The following GABRR1 variants were observed in gnomAD, a reference collection of about 807,000 sequenced individuals.
The protein encoded by GABRR1 is gamma-aminobutyric acid receptor subunit rho-1.
Under a neutral mutation model 55.5 loss-of-function variants are expected in GABRR1, and 59 were observed. That is an observed-to-expected ratio of 1.06 (90% CI 0.86 to 1.32). The LOEUF (loss-of-function observed/expected upper bound fraction) is 1.32, where lower values mean the gene tolerates loss of function less well. GABRR1 is among the 40% of genes most tolerant of loss of function. GABRR1 has a pLI of 0.00. For missense variants in GABRR1, 602 were observed against 619.1 expected (o/e 0.97, Z 0.29); for synonymous variants, 213 against 226.0 (o/e 0.94, Z 0.51).
intron 1 of GABRR1, among the ~76,000 whole-genome samples, chr6:89,214,615 C>G (rs1200877079): frequency 1.3e-5 from 2 of 152,094 alleles, no homozygotes. Context: ...TTTTTCAAAA[C>G]AAGACATACA....
chr6:89,198,962 G>C (rs545678878), intron 4 of GABRR1, among the ~76,000 whole-genome samples: 4 of 151,366 alleles, frequency 2.6e-5, no homozygotes, highest in East Asian at 2.0e-4. Context: ...TATCTGAACC[G>C]ACCAAAAAGG....
At chr6:89,211,637 C>G (rs1487214870) in intron 1 of GABRR1, among the ~76,000 whole-genome samples, 2 of 152,134 alleles carry the variant, frequency 1.3e-5, no homozygotes, top group African/African-American at 4.8e-5. Context: ...TGACACCTTG[C>G]TAGAACACCT....
intron 5 of GABRR1, among the ~76,000 whole-genome samples, chr6:89,197,030 G>T (rs1274228766): frequency 6.6e-6 from 1 of 152,104 alleles, no homozygotes; most frequent in African/African-American, 2.4e-5. Flanking sequence ...AAGCATTAAA[G>T]ATGAAAACCC....
rs1383673077 is a variant in GABRR1 at position 89,223,047 on chromosome 6, A to AT, written c.-410-1602dup. Among the ~76,000 whole-genome samples the AT allele has an allele frequency of 6.9e-3, 1,033 of 149,104 alleles. 14 individuals carry two copies. The highest frequency in any genetic ancestry group is 0.023 in the African/African-American group (920 of 40,848). On this transcript the variant is annotated intron_variant, in intron 1 of 11. Transcript: ENST00000369451. ...GGTAGAAATCAATGTCCTTGTCTAGATTTTTTTTTTTAATTTCCATAGGTT... is the reference window on the plus strand; with the variant it reads ...GGTAGAAATCAATGTCCTTGTCTAGATTTTTTTTTTTTAATTTCCATAGGTT...
chr6:89,220,156 G>A (rs748304138), upstream of GABRR1, among the ~76,000 whole-genome samples: 2 of 152,158 alleles, frequency 1.3e-5, no homozygotes, highest in Non-Finnish European at 2.9e-5. Context: ...GGCTCCTAAT[G>A]CCCAGATTGG....
intron 1 of GABRR1, among the ~76,000 whole-genome samples, chr6:89,230,861 C>A (rs1246814360): frequency 2.0e-5 from 3 of 149,822 alleles, no homozygotes; most frequent in Non-Finnish European, 4.5e-5. Context: ...CCTCCCCCAG[C>A]CTCGCTGCCG....
chr6:89,199,226 A>T (rs571067962), intron 4 of GABRR1, 136 bp downstream of exon 4: 5 of 758,734 alleles, frequency 6.6e-6, no homozygotes, highest in Admixed American at 4.1e-5. Flanking sequence ...TTCCTGAGCC[A>T]TCTGAAAAAG....
intron 1 of GABRR1, among the ~76,000 whole-genome samples, chr6:89,230,736 C>G (rs1485195335): frequency 6.6e-6 from 1 of 151,764 alleles, no homozygotes; most frequent in African/African-American, 2.4e-5. Context: ...GCCCTGCCCC[C>G]AGAGGTGGAG....
intron 1 of GABRR1, among the ~76,000 whole-genome samples, chr6:89,211,671 G>T (rs1323140893): frequency 6.6e-6 from 1 of 152,078 alleles, no homozygotes; most frequent in Non-Finnish European, 1.5e-5. Flanking sequence ...GTCTCTGATG[G>T]CACAGCCTGC....
intron 1 of GABRR1, among the ~76,000 whole-genome samples, chr6:89,225,301 A>C (rs1393135848): frequency 1.4e-5 from 2 of 143,922 alleles, no homozygotes; most frequent in African/African-American, 2.6e-5. Context: ...TTTGGGGTAC[A>C]TGTGCACATT....
At chr6:89,219,861 C>T (rs973145470), upstream of GABRR1, among the ~76,000 whole-genome samples, 3 of 152,136 alleles carry the variant, frequency 2.0e-5, no homozygotes, top group Non-Finnish European at 2.9e-5. Context: ...AATGTCTGTT[C>T]ATTTTATAGT....
chr6:89,191,347 T>C (rs1772079255), intron 5 of GABRR1, among the ~76,000 whole-genome samples: 1 of 152,196 alleles, frequency 6.6e-6, no homozygotes, highest in Non-Finnish European at 1.5e-5. Context: ...TGGGTTTCCA[T>C]TTCTATGGGT....
chr6:89,210,278 C>T (rs560063196), intron 1 of GABRR1, among the ~76,000 whole-genome samples: 6 of 149,526 alleles, frequency 4.0e-5, no homozygotes, highest in South Asian at 2.1e-4. Flanking sequence ...ACTGCAGCCT[C>T]GACCTCCCAG....
intron 4 of GABRR1, 89 bp downstream of exon 4, chr6:89,199,273 G>T: frequency 8.6e-7 from 1 of 1,167,462 alleles, no homozygotes; most frequent in Non-Finnish European, 1.3e-6. Flanking sequence ...GCAGTTGTGA[G>T]ACTAAGTGAA....
upstream of GABRR1, chr6:89,221,560 A>G (rs1039126276): frequency 3.9e-5 from 6 of 152,228 alleles, no homozygotes; most frequent in African/African-American, 1.4e-4. Context: ...GATTTAAAGT[A>G]TACAGGAGAA....
At chr6:89,224,789 T>G (rs1305161961) in intron 1 of GABRR1, among the ~76,000 whole-genome samples, 5 of 152,162 alleles carry the variant, frequency 3.3e-5, no homozygotes, top group African/African-American at 1.2e-4. Context: ...TCTAGAATTT[T>G]TTTTTTTCCC....
chr6:89,196,311 A>T (rs2127797118), intron 5 of GABRR1, among the ~76,000 whole-genome samples: 1 of 152,116 alleles, frequency 6.6e-6, no homozygotes, highest in African/African-American at 2.4e-5. Context: ...CAACAAACTT[A>T]TATACACATA....
chr6:89,178,847 T>G lies in GABRR1; in HGVS notation c.1363A>C (p.Ile455Leu), dbSNP rs772099111. The change falls in exon 10 of 10, where the codon ATT (isoleucine) becomes CTT (leucine). Residue 455 changes from isoleucine to leucine, a missense_variant. Ile to Leu is a conservative substitution (Grantham distance 5). Around this residue, in one of 3 missense-constraint regions of GABRR1, gnomAD observed 139 missense variants for 141.1 expected, o/e 0.99. Transcript: ENST00000454853. Reference sequence around the variant, plus strand: ...AAGATGATCCTGGAGTATTTATCAATGGCGTGGGTGTCGATTCTCATGCTC... The same window carrying G: ...AAGATGATCCTGGAGTATTTATCAAGGGCGTGGGTGTCGATTCTCATGCTC... ...YVSMRIDTHA[I>L]DKYSRIIFPA... is the part of the protein sequence containing the mutation. 3.1e-6 allele frequency: 5 copies of G among 1,614,182 alleles called. No individual in the cohort carries two copies. Among genetic ancestry groups the G allele is most frequent in the Non-Finnish European group, 4.2e-6 (5 of 1,179,998 alleles).
At chr6:89,189,047 T>TGTGC (rs1194745728) in intron 6 of GABRR1, among the ~76,000 whole-genome samples, 2 of 151,542 alleles carry the variant, frequency 1.3e-5, no homozygotes, top group Non-Finnish European at 1.5e-5. Flanking sequence ...CATGTCTGTG[T>TGTGC]GTGTGTGTGT....
Sources: allele counts gnomAD v4.1 joint callset (sites outside exome capture counted in the v4.1 genomes callset), GRCh38; gene constraint gnomAD v4.1.1; regional missense constraint gnomAD v4.1.1; transcripts MANE v1.5; gene names NCBI Gene and HGNC (gene_info 2026-07-23, HGNC 2026-07-21).